Variants in GALNT1 observed in about 807,000 individuals in gnomAD.
GALNT1 encodes the protein GalNAc transferase 1.
Under a neutral mutation model 65.7 loss-of-function variants are expected in GALNT1, and 17 were observed. The ratio of observed to expected loss-of-function variants is 0.26; its 90% CI spans 0.18 to 0.39. GALNT1 has a LOEUF of 0.39. Among genes scored for constraint, GALNT1 ranks in the 10% least tolerant of loss-of-function variants. The pLI, the probability that GALNT1 is intolerant of heterozygous loss-of-function variation, is 1.00. For synonymous variants in GALNT1, 210 were observed against 219.7 expected (o/e 0.96, Z 0.39); for missense variants, 460 against 672.8 (o/e 0.68, Z 3.50).
chr18:35,592,317 GAAAC>G (rs1186577311), intron 1 of GALNT1, among the ~76,000 whole-genome samples: 3 of 152,132 alleles, frequency 2.0e-5, no homozygotes, highest in Non-Finnish European at 4.4e-5. Context: ...GATAAAAATA[GAAAC>G]AATTAAGTAA....
At chr18:35,586,006 T>G (rs55775622) in intron 1 of GALNT1, among the ~76,000 whole-genome samples, 43,398 of 152,104 alleles carry the variant, frequency 0.29, 7,586 homozygotes, top group Non-Finnish European at 0.38. Context: ...TACTGGGTTG[T>G]GTGGCAGTTG....
At chr18:35,693,621 A>T (rs1395340103) in intron 9 of GALNT1, among the ~76,000 whole-genome samples, 2 of 152,192 alleles carry the variant, frequency 1.3e-5, no homozygotes, top group Non-Finnish European at 2.9e-5. Flanking sequence ...ACTGACTGTA[A>T]AGTTGCCATT....
At chr18:35,630,188 C>T (rs1467806819) in intron 1 of GALNT1, among the ~76,000 whole-genome samples, 1 of 152,170 alleles carries the variant, frequency 6.6e-6, no homozygotes, top group Non-Finnish European at 1.5e-5. Flanking sequence ...GAACTCAGCT[C>T]TGCACCAAGT....
chr18:35,693,876 A>G (rs2048009800), intron 9 of GALNT1, among the ~76,000 whole-genome samples: 1 of 152,106 alleles, frequency 6.6e-6, no homozygotes, highest in Non-Finnish European at 1.5e-5. Context: ...GAGAGAGAAG[A>G]CCGAGGACAA....
rs560026386 is a variant in GALNT1 at position 35,711,433 on chromosome 18, A to T, written c.*1663A>T. The T allele has an allele frequency of 2.6e-5, 4 of 152,624 alleles. No individual in the cohort carries two copies. The highest frequency in any genetic ancestry group is 5.9e-5 in the Non-Finnish European group (4 of 68,030). The allele number at this position is 152,624 out of a possible 1,614,324, so 9.5% of individuals were successfully genotyped here. Reference sequence around the variant, plus strand: ...ATCCTGTTCAAGTTAATCAACATCAAGCACATGGGGATGCTTTAGGGTGAG... The same window carrying T: ...ATCCTGTTCAAGTTAATCAACATCATGCACATGGGGATGCTTTAGGGTGAG... On this transcript the variant is annotated 3_prime_UTR_variant, in exon 12 of 12. Coordinates refer to ENST00000269195, the MANE Select transcript of GALNT1 (RefSeq NM_020474.4).
intron 11 of GALNT1, among the ~76,000 whole-genome samples, chr18:35,706,580 T>G (rs1293089609): frequency 6.6e-6 from 1 of 152,070 alleles, no homozygotes; most frequent in Non-Finnish European, 1.5e-5. Flanking sequence ...CTTTGCAAGG[T>G]TTTTTCCTGC....
chr18:35,597,857 G>A (rs1186204453), intron 1 of GALNT1, among the ~76,000 whole-genome samples: 2 of 151,914 alleles, frequency 1.3e-5, no homozygotes, highest in African/African-American at 4.8e-5. Context: ...CTTGAAATTA[G>A]GCATTAAATG....
chr18:35,621,725 C>T (rs2046855332), intron 1 of GALNT1, among the ~76,000 whole-genome samples: 1 of 151,992 alleles, frequency 6.6e-6, no homozygotes, highest in South Asian at 2.1e-4. Flanking sequence ...ACAATAGTTG[C>T]CTATAGTTTA....
chr18:35,614,055 C>T (rs2144061404), intron 1 of GALNT1, among the ~76,000 whole-genome samples: 2 of 152,272 alleles, frequency 1.3e-5, no homozygotes, highest in South Asian at 4.1e-4. Context: ...TTTATATAAA[C>T]CATGAGTTAA....
chr18:35,697,965 A>T (rs914009715), intron 9 of GALNT1, among the ~76,000 whole-genome samples: 5 of 152,178 alleles, frequency 3.3e-5, no homozygotes, highest in Non-Finnish European at 7.3e-5. Flanking sequence ...ATCTCCTAGG[A>T]TTTACACTGT....
At chr18:35,646,657 A>G (rs1004374224) in intron 1 of GALNT1, among the ~76,000 whole-genome samples, 3 of 152,208 alleles carry the variant, frequency 2.0e-5, no homozygotes, top group Non-Finnish European at 4.4e-5. Context: ...CACTTCCATC[A>G]TATTCTGTTG....
At chr18:35,704,682 T>C (rs778419209) in intron 11 of GALNT1, among the ~76,000 whole-genome samples, 51 of 151,990 alleles carry the variant, frequency 3.4e-4, no homozygotes, top group Non-Finnish European at 1.2e-4. Flanking sequence ...CTCGCTCTTA[T>C]CGCCCAGGCT....
At chr18:35,628,615 G>A (rs1401262652) in intron 1 of GALNT1, among the ~76,000 whole-genome samples, 1 of 152,108 alleles carries the variant, frequency 6.6e-6, no homozygotes, top group Non-Finnish European at 1.5e-5. Context: ...CAAATATGGG[G>A]AAAAAACAGA....
chr18:35,694,029 G>T (rs1033056790), intron 9 of GALNT1, among the ~76,000 whole-genome samples: 1 of 152,136 alleles, frequency 6.6e-6, no homozygotes, highest in African/African-American at 2.4e-5. Context: ...TCAGGAAAGA[G>T]GAAGTGATCA....
intron 9 of GALNT1, among the ~76,000 whole-genome samples, chr18:35,694,890 C>T (rs1463458365): frequency 6.6e-6 from 1 of 152,102 alleles, no homozygotes; most frequent in Non-Finnish European, 1.5e-5. Flanking sequence ...CCTTGAGGAC[C>T]TTATGTTAAG....
chr18:35,646,024 C>T (rs1022397444), intron 1 of GALNT1, among the ~76,000 whole-genome samples: 5 of 152,046 alleles, frequency 3.3e-5, no homozygotes, highest in African/African-American at 9.7e-5. Context: ...ACCTGAGACT[C>T]GATAATTTAT....
intron 1 of GALNT1, among the ~76,000 whole-genome samples, chr18:35,591,032 A>G (rs2143866985): frequency 6.6e-6 from 1 of 152,308 alleles, no homozygotes; most frequent in South Asian, 2.1e-4. Context: ...GGGGATAGGA[A>G]ATAAGGGTAA....
In GALNT1 at chr18:35,604,324, G is replaced by T. The variant is rs559325049; in HGVS notation, c.-104+22462G>T. Reference sequence around the variant, plus strand: ...TTTCTTTATCCAGTCAACTGCTGATGATGGGCATCTAGATTGATTTCATGT... The same window carrying T: ...TTTCTTTATCCAGTCAACTGCTGATTATGGGCATCTAGATTGATTTCATGT... On this transcript the variant is annotated intron_variant, in intron 1 of 11. Transcript: ENST00000269195. Among the ~76,000 whole-genome samples, 3 of 152,322 alleles carry T rather than the reference G, an allele frequency of 2.0e-5. No homozygotes were observed. The South Asian group carries it at 6.2e-4, about 32-fold the overall frequency.
At chr18:35,637,090 GTCTC>G (rs1299941300) in intron 1 of GALNT1, among the ~76,000 whole-genome samples, 2 of 152,006 alleles carry the variant, frequency 1.3e-5, no homozygotes, top group Non-Finnish European at 2.9e-5. Context: ...CCGTTTCCCT[GTCTC>G]TCTCCCTCTC....
Sources: allele counts gnomAD v4.1 joint callset (sites outside exome capture counted in the v4.1 genomes callset), GRCh38; gene constraint gnomAD v4.1.1; transcripts MANE v1.5; gene names NCBI Gene and HGNC (gene_info 2026-07-23, HGNC 2026-07-21).